Variants in MMP10 observed in about 807,000 individuals in gnomAD.
MMP10 encodes the protein matrix metallopeptidase 10, also known as stromelysin-2.
A neutral mutation model predicts 49.1 loss-of-function variants in MMP10; 50 were observed. The ratio of observed to expected loss-of-function variants is 1.02; its 90% CI spans 0.81 to 1.29. The LOEUF (loss-of-function observed/expected upper bound fraction) is 1.29. Ranked by LOEUF, MMP10 falls within the 50% of genes most tolerant of loss-of-function variation. The pLI is 0.00. For synonymous variants in MMP10, 229 were observed against 201.6 expected (o/e 1.14, Z -1.15); for missense variants, 613 against 563.8 (o/e 1.09, Z -0.88).
At chr11:102,774,086 G>C (rs930173016) in intron 7 of MMP10, among the ~76,000 whole-genome samples, 2 of 152,102 alleles carry the variant, frequency 1.3e-5, no homozygotes, top group African/African-American at 4.8e-5. Context: ...TCTCCATAAA[G>C]CTTGACATTT....
rs1351632864 is a variant in MMP10, at chr11:102,772,986, T to C, written c.1087A>G (p.Arg363Gly). 1.2e-6 allele frequency: 2 copies of C among 1,609,068 alleles called. No homozygotes were observed. Among genetic ancestry groups the C allele is most frequent in the Non-Finnish European group, 1.7e-6 (2 of 1,178,408 alleles). Reference protein sequence around the residue: ...IFKGNEFWAIRGNEVQAGYPR... With the variant: ...IFKGNEFWAIGGNEVQAGYPR... ...TAACCTGCTTGTACCTCATTTCCTC[T>C]GATGGCCCAGAACTCATTTCCTATT... The change falls in exon 8 of 10, where the codon AGA becomes GGA. Residue 363 changes from arginine to glycine, a missense_variant. Physicochemically the swap from Arg to Gly is moderately radical, Grantham distance 125. Coordinates refer to ENST00000279441, the MANE Select transcript of MMP10 (RefSeq NM_002425.3). This position sits in a 1 kb window ranked among gnomAD's most constrained non-coding sequence, Gnocchi z 4.4.
chr11:102,780,422 A>G, intron 1 of MMP10, 65 bp downstream of exon 1: 1 of 1,330,638 alleles, frequency 7.5e-7, no homozygotes, highest in Non-Finnish European at 1.1e-6. Flanking sequence ...TCTGCTTTGT[A>G]TTGGAAGACC....
At chr11:102,770,979 T>A in intron 9 of MMP10, 86 bp from the exon 10 acceptor site, 1 of 854,972 alleles carries the variant, frequency 1.2e-6, no homozygotes, top group Non-Finnish European at 1.9e-6. Flanking sequence ...TACAAGTTAA[T>A]AATGGAGGGC....
At chr11:102,771,022 G>T in intron 9 of MMP10, 129 bp from the exon 10 acceptor site, 1 of 600,888 alleles carries the variant, frequency 1.7e-6, no homozygotes. Flanking sequence ...GCCAAGCACT[G>T]AGCTAAGTGC....
chr11:102,774,785 A>C (rs2134349149), intron 7 of MMP10, among the ~76,000 whole-genome samples: 1 of 152,290 alleles, frequency 6.6e-6, no homozygotes, highest in Admixed American at 6.5e-5. Flanking sequence ...TTACCGATTA[A>C]AGTTTTATAA....
chr11:102,773,243 T>C (rs2134348281), intron 7 of MMP10, among the ~76,000 whole-genome samples: 1 of 152,232 alleles, frequency 6.6e-6, no homozygotes, highest in Non-Finnish European at 1.5e-5. Flanking sequence ...TGTATCTATA[T>C]GTTATAGTTT....
Position 102,780,500 on chromosome 11 carries a change from T to C in MMP10, c.92A>G (p.Lys31Arg), listed in dbSNP as rs762160832. ...ACCGTTAATTACCTGGGCAAGATCC[T>C]TGTTGGAGTCCTCCTCTTTTGCTGC... ...SGAAKEEDSN[K>R]DLAQQYLEKY... Residue 31 changes from lysine to arginine, a missense_variant, in exon 1 of 10, where the codon AAG (lysine) becomes AGG (arginine). By Grantham distance (26) the Lys-to-Arg change is conservative (BLOSUM62 2). Coordinates refer to ENST00000279441, the MANE Select transcript of MMP10 (RefSeq NM_002425.3). 6.2e-7 allele frequency: 1 copy of C among 1,613,930 alleles called. No individual in the cohort carries two copies. Among genetic ancestry groups the C allele is most frequent in the Non-Finnish European group, 8.5e-7 (1 of 1,179,930 alleles).
At chr11:102,778,904 G>T (rs1857784082) in intron 3 of MMP10, among the ~76,000 whole-genome samples, 155 bp from the exon 4 acceptor site, 1 of 152,210 alleles carries the variant, frequency 6.6e-6, no homozygotes, top group South Asian at 2.1e-4. Context: ...GTATTAAGAG[G>T]TTAGGTCTTT....
At chr11:102,779,781 A>AT (rs758682781) in intron 1 of MMP10, 36 bp from the exon 2 acceptor site, 5 of 1,580,674 alleles carry the variant, frequency 3.2e-6, no homozygotes, top group Middle Eastern at 1.7e-4. Context: ...CATTTTTGTG[A>AT]TTTTCCATCA....
At chr11:102,773,356 GTTGCTTA>G (rs1316865816) in intron 7 of MMP10, among the ~76,000 whole-genome samples, 1 of 152,132 alleles carries the variant, frequency 6.6e-6, no homozygotes, top group East Asian at 1.9e-4. Flanking sequence ...CAATAGATCA[GTTGCTTA>G]TTGGACACTT....
chr11:102,776,121 T>C (rs1473484578), intron 6 of MMP10, among the ~76,000 whole-genome samples, 159 bp downstream of exon 6: 1 of 152,096 alleles, frequency 6.6e-6, no homozygotes, highest in Non-Finnish European at 1.5e-5. Context: ...AAATTATCTG[T>C]ACAACAAACC....
intron 6 of MMP10, among the ~76,000 whole-genome samples, chr11:102,775,587 A>G (rs1019103254): frequency 6.6e-6 from 1 of 152,134 alleles, no homozygotes; most frequent in African/African-American, 2.4e-5. Context: ...GTGTATATTG[A>G]TGCTTGTATA....
rs1481603384 is a variant in MMP10, at chr11:102,779,589, T to C, written c.262A>G (p.Lys88Glu). 1 of 1,614,098 alleles carries C rather than the reference T, an allele frequency of 6.2e-7. No homozygotes were observed. Among genetic ancestry groups the C allele is most frequent in the South Asian group, 1.1e-5 (1 of 91,080 alleles). Reference protein sequence around the residue: ...LDTDTLEVMRKPRCGVPDVGH... With the variant: ...LDTDTLEVMREPRCGVPDVGH... ...ACGTCAGGAACTCCACACCTGGGCT[T>C]GCGCATCACCTCCAGAGTGTCAGTG... Residue 88 changes from lysine to glutamate, a missense_variant, in exon 2 of 10, where the codon AAG becomes GAG. Transcript: ENST00000279441.
rs1430401128 is a variant in MMP10, at chr11:102,776,356, G to A, written c.856C>T (p.Pro286Ser). ...TKSVPSGSEM[P>S]AKCDPALSFD... ...GACAAAGCAGGATCACACTTGGCTG[G>A]CATCTCAGATCCCGAAGGAACAGAT... The change falls in exon 6 of 10, where the codon CCA becomes TCA. Residue 286 changes from proline to serine, a missense_variant. Pro to Ser is a moderately conservative substitution (Grantham distance 74). Coordinates refer to ENST00000279441, the MANE Select transcript of MMP10 (RefSeq NM_002425.3). 6.2e-7 allele frequency: 1 copy of A among 1,613,742 alleles called. No homozygotes were observed. Among genetic ancestry groups the A allele is most frequent in the Non-Finnish European group, 8.5e-7 (1 of 1,179,744 alleles).
At chr11:102,778,060 A>T (rs1565455478) in intron 4 of MMP10, among the ~76,000 whole-genome samples, 1 of 152,218 alleles carries the variant, frequency 6.6e-6, no homozygotes, top group Non-Finnish European at 1.5e-5. Flanking sequence ...AATAGCATAC[A>T]GTTAATTTTA....
At position 102,779,490 on chromosome 11, in the gene MMP10, A is replaced by G. The variant is rs763984856; in HGVS notation, c.347+14T>C. 6 of 1,613,636 alleles carry G rather than the reference A, an allele frequency of 3.7e-6. No individual in the cohort carries two copies. The highest frequency in any genetic ancestry group is 5.1e-6 in the Non-Finnish European group (6 of 1,179,684). On this transcript the variant is annotated intron_variant, in intron 2 of 9. Transcript: ENST00000279441. Reference sequence around the variant, plus strand: ...AGGTTTCAATATTATGTGAAAACTAATCTGAACCATTACCTGTATGTAAGG... The same window carrying G: ...AGGTTTCAATATTATGTGAAAACTAGTCTGAACCATTACCTGTATGTAAGG...
chr11:102,771,235 T>C (rs1384076432), intron 9 of MMP10, among the ~76,000 whole-genome samples: 2 of 152,184 alleles, frequency 1.3e-5, no homozygotes, highest in South Asian at 4.1e-4. Context: ...TAAAATTCTA[T>C]AATATTTTAA....
chr11:102,776,271 T>C lies in MMP10; in HGVS notation c.932+9A>G. The stretch of plus-strand genomic sequence containing the variant: ...GAATAGATAGGAAAATATAATTTTC[T>C]GGTCTGACCTGTCTTTAAAGAACAG... On this transcript the variant is annotated intron_variant, in intron 6 of 9. Transcript: ENST00000279441. The C allele has an allele frequency of 6.2e-7, 1 of 1,604,096 alleles. No homozygotes were observed. The highest frequency in any genetic ancestry group is 8.5e-7 in the Non-Finnish European group (1 of 1,175,978).
rs200044433 is a variant in MMP10 at position 102,776,779 on chromosome 11, G to C, written c.623-3C>G. 1.1e-5 allele frequency: 17 copies of C among 1,613,652 alleles called. No individual in the cohort carries two copies. Among genetic ancestry groups the C allele is most frequent in the Non-Finnish European group, 1.4e-5 (17 of 1,179,892 alleles). ...AGCAACGAGGAATAAATTGGTGCCT[G>C]TATGAAAATCATAAATGTTCAGAAT... On this transcript the variant is annotated splice_polypyrimidine_tract_variant and splice_region_variant and intron_variant, in intron 4 of 9. Coordinates refer to ENST00000279441, the MANE Select transcript of MMP10 (RefSeq NM_002425.3).
Sources: allele counts gnomAD v4.1 joint callset (sites outside exome capture counted in the v4.1 genomes callset), GRCh38; gene constraint gnomAD v4.1.1; non-coding constraint Gnocchi (gnomAD v3.1); transcripts MANE v1.5; gene names NCBI Gene and HGNC (gene_info 2026-07-23, HGNC 2026-07-21).